Variants in ARHGEF28 observed in about 807,000 individuals in gnomAD.
ARHGEF28 encodes 190 kDa guanine nucleotide exchange factor.
Under a neutral mutation model 206.6 loss-of-function variants are expected in ARHGEF28, and 152 were observed. The ratio of observed to expected loss-of-function variants is 0.74; its 90% CI spans 0.64 to 0.84. ARHGEF28 has a LOEUF of 0.84. Among genes scored for constraint, ARHGEF28 ranks in the 40% least tolerant of loss-of-function variants. ARHGEF28 has a pLI of 0.00. For missense variants in ARHGEF28, 2,028 were observed against 2,073.2 expected (o/e 0.98, Z 0.42); for synonymous variants, 763 against 776.4 (o/e 0.98, Z 0.29).
intron 2 of ARHGEF28, among the ~76,000 whole-genome samples, chr5:73,696,577 C>G (rs1261323854): frequency 6.6e-6 from 1 of 152,128 alleles, no homozygotes; most frequent in African/African-American, 2.4e-5. Flanking sequence ...ACAACAGAGA[C>G]TCAAACATTC....
intron 1 of ARHGEF28, among the ~76,000 whole-genome samples, chr5:73,649,940 G>A (rs1267881717): frequency 6.6e-6 from 1 of 152,232 alleles, no homozygotes; most frequent in African/African-American, 2.4e-5. Flanking sequence ...TTCCCACACT[G>A]TGGCAACCTG....
chr5:73,627,741 A>G (rs965056811), intron 1 of ARHGEF28, among the ~76,000 whole-genome samples: 1 of 152,238 alleles, frequency 6.6e-6, no homozygotes, highest in African/African-American at 2.4e-5. Context: ...AACTTTGATC[A>G]AATAGGAATT....
At chr5:73,857,564 T>TAC (rs4066802) in intron 14 of ARHGEF28, 92 bp from the exon 15 acceptor site, 24,384 of 1,190,296 alleles carry the variant, frequency 0.02, 91 homozygotes, top group East Asian at 0.054. Context: ...CATATATGTG[T>TAC]ACACACACAC....
chr5:73,933,100 G>A (rs1350160439), intron 35 of ARHGEF28, among the ~76,000 whole-genome samples: 4 of 151,980 alleles, frequency 2.6e-5, no homozygotes, highest in African/African-American at 7.3e-5. Flanking sequence ...GTGAGCCACC[G>A]TGCCCGGCCT....
intron 35 of ARHGEF28, among the ~76,000 whole-genome samples, chr5:73,934,180 C>A (rs914814478): frequency 1.3e-5 from 2 of 152,192 alleles, no homozygotes; most frequent in South Asian, 4.1e-4. Flanking sequence ...TCCCCACATT[C>A]TGGATTTTCC....
intron 2 of ARHGEF28, among the ~76,000 whole-genome samples, chr5:73,748,973 A>T (rs746570685): frequency 2.0e-5 from 3 of 152,126 alleles, no homozygotes; most frequent in African/African-American, 4.8e-5. Context: ...CAGGATGATG[A>T]AATACCCGAG....
At chr5:73,658,993 A>ACG (rs1745414202) in intron 1 of ARHGEF28, among the ~76,000 whole-genome samples, 1 of 124,580 alleles carries the variant, frequency 8.0e-6, no homozygotes, top group Non-Finnish European at 1.9e-5. Flanking sequence ...ACACACACAC[A>ACG]CACACACACA....
intron 16 of ARHGEF28, 23 bp downstream of exon 16, chr5:73,858,242 G>C: frequency 6.5e-7 from 1 of 1,546,478 alleles, no homozygotes; most frequent in Non-Finnish European, 8.7e-7. Context: ...GTCTATGTGC[G>C]CTGTCTTTGT....
At chr5:73,908,132 C>T (rs1244890766) in intron 33 of ARHGEF28, among the ~76,000 whole-genome samples, 1 of 152,038 alleles carries the variant, frequency 6.6e-6, no homozygotes, top group African/African-American at 2.4e-5. Context: ...TATAACAACT[C>T]CCAAAAGCCA....
intron 35 of ARHGEF28, among the ~76,000 whole-genome samples, chr5:73,935,603 A>G (rs911130649): frequency 3.3e-5 from 5 of 152,232 alleles, no homozygotes; most frequent in Admixed American, 2.6e-4. Context: ...CCATCAGGAA[A>G]TGATTTTTTA....
intron 8 of ARHGEF28, 123 bp downstream of exon 8, chr5:73,794,577 A>G (rs1326144880): frequency 1.2e-6 from 1 of 802,274 alleles, no homozygotes; most frequent in Admixed American, 3.1e-5. Context: ...TCACTTTCAG[A>G]ATAATGTGAA....
intron 16 of ARHGEF28, among the ~76,000 whole-genome samples, chr5:73,861,570 C>CT (rs1322074937): frequency 1.3e-5 from 2 of 152,174 alleles, no homozygotes; most frequent in Non-Finnish European, 2.9e-5. Context: ...GTCGCTGGGA[C>CT]TATAGGCACA....
intron 9 of ARHGEF28, among the ~76,000 whole-genome samples, chr5:73,797,691 T>C (rs1414728930): frequency 6.6e-6 from 1 of 152,202 alleles, no homozygotes; most frequent in Non-Finnish European, 1.5e-5. Context: ...GCCTCTTTTG[T>C]TATTTTATAA....
chr5:73,815,410 A>T, intron 9 of ARHGEF28, among the ~76,000 whole-genome samples: 1 of 152,156 alleles, frequency 6.6e-6, no homozygotes, highest in East Asian at 1.9e-4. Context: ...AATAGTAAAT[A>T]AAAAACCATG....
At chr5:73,751,280 G>A (rs902437937) in intron 3 of ARHGEF28, among the ~76,000 whole-genome samples, 4 of 152,098 alleles carry the variant, frequency 2.6e-5, no homozygotes, top group Non-Finnish European at 4.4e-5. Flanking sequence ...CATGGTGGCC[G>A]GTGCCTTTAG....
intron 2 of ARHGEF28, among the ~76,000 whole-genome samples, chr5:73,692,023 T>C (rs1016461576): frequency 6.6e-6 from 1 of 152,256 alleles, no homozygotes; most frequent in Non-Finnish European, 1.5e-5. Flanking sequence ...TCAGCAACTT[T>C]CAGAAATATT....
intron 1 of ARHGEF28, among the ~76,000 whole-genome samples, chr5:73,633,570 ATTTTTTT>A (rs764440038): frequency 1.8e-4 from 18 of 101,072 alleles, no homozygotes; most frequent in East Asian, 2.6e-4. Flanking sequence ...AATACCTTTA[ATTTTTTT>A]TTTTTTTTTT....
intron 10 of ARHGEF28, among the ~76,000 whole-genome samples, chr5:73,838,359 A>C (rs192845645): frequency 2.6e-5 from 4 of 152,202 alleles, no homozygotes; most frequent in Admixed American, 6.5e-5. Context: ...TCTGAAAATA[A>C]TCTTATCTAA....
At chr5:73,652,283 A>G (rs145845288) in intron 1 of ARHGEF28, among the ~76,000 whole-genome samples, 1 of 152,198 alleles carries the variant, frequency 6.6e-6, no homozygotes, top group Non-Finnish European at 1.5e-5. Context: ...TCTGATGAGG[A>G]GTTTAGAACT....
Sources: allele counts gnomAD v4.1 joint callset (sites outside exome capture counted in the v4.1 genomes callset), GRCh38; gene constraint gnomAD v4.1.1; transcripts MANE v1.5; gene names NCBI Gene and HGNC (gene_info 2026-07-23, HGNC 2026-07-21).